Variants in TBX15 observed in about 807,000 individuals in gnomAD.
TBX15 encodes T-box transcription factor 15.
TBX15 carries 18 observed loss-of-function variants against 53.9 expected under a neutral mutation model. That is an observed-to-expected ratio of 0.33 (90% CI 0.23 to 0.49). The LOEUF is 0.49. Ranked by LOEUF, TBX15 falls within the 20% of genes least tolerant of loss-of-function variation. TBX15 has a pLI of 0.98. For missense variants in TBX15, 692 were observed against 749.5 expected (o/e 0.92, Z 0.90); for synonymous variants, 295 against 278.0 (o/e 1.06, Z -0.61).
chr1:118,944,945 T>A (rs568114016), intron 1 of TBX15, among the ~76,000 whole-genome samples: 56 of 152,360 alleles, frequency 3.7e-4, no homozygotes, highest in South Asian at 1.2e-3. Context: ...TCTGATGACC[T>A]GTTTCCTTCT....
chr1:118,920,993 A>C (rs1174616186), intron 5 of TBX15, among the ~76,000 whole-genome samples: 2 of 151,984 alleles, frequency 1.3e-5, no homozygotes, highest in Non-Finnish European at 2.9e-5. Flanking sequence ...TGGGCAACAA[A>C]ATGAGAGGCA....
intron 2 of TBX15, among the ~76,000 whole-genome samples, chr1:118,927,838 T>A (rs1655649036): frequency 6.6e-6 from 1 of 152,224 alleles, no homozygotes; most frequent in Non-Finnish European, 1.5e-5. Flanking sequence ...CTCTTTTGTA[T>A]CAAGCCGGAC....
At position 118,938,557 on chromosome 1, in the gene TBX15, T is replaced by C. The variant is rs557209983; in HGVS notation, c.206-6725A>G. Among the ~76,000 whole-genome samples, 3 of 152,332 alleles carry C rather than the reference T, an allele frequency of 2.0e-5. No homozygotes were observed. In the East Asian group the frequency reaches 5.8e-4, roughly 29 times the overall value. On this transcript the variant is annotated intron_variant, in intron 1 of 7. Transcript: ENST00000369429. ...TTAAAGTTTCAACCTCTGTTTTAAG[T>C]TATTTGAAAAAGATTCAGATTGCTC... is the stretch of plus-strand genomic sequence containing the variant.
chr1:118,987,702 G>T lies in TBX15; in HGVS notation c.94C>A (p.Leu32Met). The T allele has an allele frequency of 1.9e-6, 3 of 1,550,436 alleles. No individual in the cohort carries two copies. The highest frequency in any genetic ancestry group is 2.6e-6 in the Non-Finnish European group (3 of 1,146,870). Reference protein sequence around the residue: ...ALIGSNKKRKLRDWEEKGLDL... With the variant: ...ALIGSNKKRKMRDWEEKGLDL... ...AGCCCCTTCTCCTCCCAGTCTCGCA[G>T]TTTCCGTTTTTTATTTGAGCCGATC... The change falls in exon 1 of 8, where the codon CTG becomes ATG. Residue 32 changes from leucine (L) to methionine (M), a missense_variant. Around this residue, in one of 3 missense-constraint regions of TBX15, gnomAD observed 307 missense variants for 347.5 expected, o/e 0.88. Coordinates refer to ENST00000369429, the MANE Select transcript of TBX15 (RefSeq NM_001330677.2).
chr1:118,890,591 C>T (rs541988676), intron 7 of TBX15, among the ~76,000 whole-genome samples: 10 of 152,206 alleles, frequency 6.6e-5, no homozygotes, highest in East Asian at 1.9e-4. Flanking sequence ...AAAAAGGATA[C>T]GTTTAGCAGT....
chr1:118,916,597 C>T (rs577132065), intron 5 of TBX15, among the ~76,000 whole-genome samples: 2 of 152,174 alleles, frequency 1.3e-5, no homozygotes, highest in Non-Finnish European at 2.9e-5. Flanking sequence ...AGCGTGGTGG[C>T]TCATGCCTGC....
Position 118,979,184 on chromosome 1 carries a change from A to G in TBX15, c.205+8407T>C, listed in dbSNP as rs1657553032. Among the ~76,000 whole-genome samples the G allele has an allele frequency of 2.0e-5, 3 of 150,782 alleles. 1 individual carries two copies. In the South Asian group the frequency reaches 6.3e-4, roughly 32 times the overall value. ...TAGTCACTTCTCACTCTGCTTTTAC[A>G]CTTGGTTGGTTTCTTTTTCTTTCTT... On this transcript the variant is annotated intron_variant, in intron 1 of 7. Coordinates refer to ENST00000369429, the MANE Select transcript of TBX15 (RefSeq NM_001330677.2).
At chr1:118,910,191 A>T (rs553718540) in intron 6 of TBX15, among the ~76,000 whole-genome samples, 1 of 152,302 alleles carries the variant, frequency 6.6e-6, no homozygotes, top group South Asian at 2.1e-4. Context: ...CAAACTCTGT[A>T]ACTCCAAAGT....
rs1246318103 is a variant in TBX15, at chr1:118,987,922, T to C, written c.-127A>G. ...GAGGCGCGTCGGACGAGGCTGAGAC[T>C]GCGGCTCGCGGGTCTCTCCACCCTC... is the stretch of plus-strand genomic sequence containing the variant. On this transcript the variant is annotated 5_prime_UTR_variant, in exon 1 of 8. Coordinates refer to ENST00000369429, the MANE Select transcript of TBX15 (RefSeq NM_001330677.2). The C allele has an allele frequency of 8.3e-7, 1 of 1,211,500 alleles. No homozygotes were observed. The allele number at this position is 1,211,500 out of a possible 1,614,324, so 75.0% of individuals were successfully genotyped here.
At chr1:118,900,680 C>G (rs1654599674) in intron 6 of TBX15, among the ~76,000 whole-genome samples, 1 of 152,182 alleles carries the variant, frequency 6.6e-6, no homozygotes, top group South Asian at 2.1e-4. Context: ...CACATAGTCA[C>G]TCTACATTAA....
intron 1 of TBX15, among the ~76,000 whole-genome samples, chr1:118,934,721 T>G (rs1000772932): frequency 6.6e-6 from 1 of 152,216 alleles, no homozygotes; most frequent in African/African-American, 2.4e-5. Context: ...CAGATGTCTC[T>G]TAGAAGTCCA....
chr1:118,982,899 A>G (rs1657694347), intron 1 of TBX15, among the ~76,000 whole-genome samples: 1 of 152,236 alleles, frequency 6.6e-6, no homozygotes, highest in South Asian at 2.1e-4. Context: ...GCAAGCTCAG[A>G]GCCCAAATAT....
chr1:118,970,017 T>C (rs1456427019), intron 1 of TBX15, among the ~76,000 whole-genome samples: 2 of 152,226 alleles, frequency 1.3e-5, no homozygotes, highest in Non-Finnish European at 2.9e-5. Flanking sequence ...AATATCTTGT[T>C]GTTTAAAAGT....
At chr1:118,967,033 T>G (rs1399420041) in intron 1 of TBX15, among the ~76,000 whole-genome samples, 1 of 152,194 alleles carries the variant, frequency 6.6e-6, no homozygotes, top group Non-Finnish European at 1.5e-5. Context: ...GGGCACTTAT[T>G]GCAAGCCAGG....
intron 6 of TBX15, among the ~76,000 whole-genome samples, chr1:118,907,493 T>C (rs1654878544): frequency 6.6e-6 from 1 of 152,218 alleles, no homozygotes; most frequent in South Asian, 2.1e-4. Context: ...CTATCAAGGA[T>C]GGCTTGATAG....
intron 1 of TBX15, among the ~76,000 whole-genome samples, chr1:118,932,876 A>G (rs558000414): frequency 6.6e-6 from 1 of 152,334 alleles, no homozygotes; most frequent in East Asian, 1.9e-4. Flanking sequence ...TGATGCTGCA[A>G]GTCAAGCCTA....
chr1:118,898,887 C>T, intron 7 of TBX15, 141 bp downstream of exon 7: 1 of 848,832 alleles, frequency 1.2e-6, no homozygotes, highest in Non-Finnish European at 1.9e-6. Flanking sequence ...TGGTTATTTA[C>T]AGAGCTCCTG....
chr1:118,917,272 C>T (rs1179399264), intron 5 of TBX15, among the ~76,000 whole-genome samples: 1 of 152,182 alleles, frequency 6.6e-6, no homozygotes, highest in African/African-American at 2.4e-5. Context: ...TTGGAAGGAA[C>T]ATGGTTGGAG....
intron 6 of TBX15, among the ~76,000 whole-genome samples, chr1:118,909,140 G>T (rs985116026): frequency 6.6e-6 from 1 of 152,172 alleles, no homozygotes; most frequent in Non-Finnish European, 1.5e-5. Context: ...GGACTCACTG[G>T]GGCTCCCCTT....
Sources: allele counts gnomAD v4.1 joint callset (sites outside exome capture counted in the v4.1 genomes callset), GRCh38; gene constraint gnomAD v4.1.1; regional missense constraint gnomAD v4.1.1; transcripts MANE v1.5; gene names NCBI Gene and HGNC (gene_info 2026-07-23, HGNC 2026-07-21).